Variants in RGPD3 observed in about 807,000 individuals in gnomAD.
RGPD3 encodes the protein ranBP2-like and GRIP domain-containing protein 3.
In RGPD3, 62 loss-of-function variants were observed where a neutral mutation model predicts 154.5. The observed-to-expected ratio is 0.40, with a 90% CI of 0.33 to 0.50. The LOEUF (loss-of-function observed/expected upper bound fraction) is 0.50. RGPD3 is among the 20% of genes least tolerant of loss of function. The probability of loss-of-function intolerance (pLI) is 0.59; values close to 1 mark genes in which losing one functional copy is unlikely to be tolerated. For missense variants in RGPD3, 919 were observed against 1,716.8 expected, an observed-to-expected ratio of 0.54 and a Z score of 8.21; for synonymous variants, 308 against 607.0, an observed-to-expected ratio of 0.51 and a Z score of 7.24.
At position 106,465,560 on chromosome 2, in the gene RGPD3, C is replaced by CTT. The variant is rs761873994; in HGVS notation, c.72+2655_72+2656dup. ...GAATCTCAGAAAGGCTCTAAGCTTGCTTTTTTTTTTTTAAGCTTGTTTAAA... is the reference window on the plus strand; with the variant it reads ...GAATCTCAGAAAGGCTCTAAGCTTGCTTTTTTTTTTTTTTAAGCTTGTTTAAA... On this transcript the variant is annotated intron_variant, in intron 1 of 22. Transcript: ENST00000409886. Among the ~76,000 whole-genome samples the CTT allele has an allele frequency of 2.1e-3, 283 of 136,708 alleles. 1 individual carries two copies. Among genetic ancestry groups the CTT allele is most frequent in the South Asian group, 6.4e-3 (26 of 4,066 alleles). The allele number at this position is 136,708 out of a possible 152,430, so 89.7% of individuals were successfully genotyped here. A position where few individuals can be genotyped will look rare whatever the true frequency, so the allele number is the denominator to read the frequency against.
At chr2:106,466,460 C>T (rs1482026318) in intron 1 of RGPD3, among the ~76,000 whole-genome samples, 1 of 104,676 alleles carries the variant, frequency 9.6e-6, no homozygotes, top group African/African-American at 3.6e-5. Flanking sequence ...CGCCGCTGGG[C>T]CGGGTCGAGG....
intron 7 of RGPD3, among the ~76,000 whole-genome samples, chr2:106,446,605 A>AGGCGCGCCT (rs1287544282): frequency 4.9e-4 from 63 of 129,042 alleles, no homozygotes; most frequent in Non-Finnish European, 9.0e-4. Flanking sequence ...CAGGCGCGCC[A>AGGCGCGCCT]GGCGCAGTGC....
intron 7 of RGPD3, among the ~76,000 whole-genome samples, chr2:106,445,716 AG>A (rs1677898496): frequency 7.0e-6 from 1 of 142,458 alleles, no homozygotes; most frequent in Non-Finnish European, 1.5e-5. Flanking sequence ...CAGGAGACAC[AG>A]GTTGCAGTGA....
intron 1 of RGPD3, among the ~76,000 whole-genome samples, chr2:106,464,292 G>A: frequency 6.9e-6 from 1 of 144,882 alleles, no homozygotes; most frequent in Non-Finnish European, 1.5e-5. Flanking sequence ...AGTGAGCCGA[G>A]ATCGCGCCAC....
chr2:106,452,447 GT>G, intron 5 of RGPD3, 97 bp from the exon 6 acceptor site: 1 of 637,232 alleles, frequency 1.6e-6, no homozygotes, highest in South Asian at 2.0e-5. Flanking sequence ...CTCCAACCAC[GT>G]TTGTGAAACT....
intron 11 of RGPD3, 34 bp from the exon 12 acceptor site, chr2:106,436,280 C>G (rs1440472692): frequency 1.2e-6 from 2 of 1,611,466 alleles, no homozygotes; most frequent in Non-Finnish European, 1.7e-6. Flanking sequence ...AAATTGCTTT[C>G]TAAATACACA....
chr2:106,410,111 G>T (rs1050941633), intron 22 of RGPD3, among the ~76,000 whole-genome samples: 19 of 151,770 alleles, frequency 1.3e-4, no homozygotes, highest in African/African-American at 4.3e-4. Flanking sequence ...CCTGACCTCA[G>T]GTGATCTACC....
At chr2:106,470,880 G>C, upstream of RGPD3, 2 of 1,597,150 alleles carry the variant, frequency 1.3e-6, no homozygotes, top group Non-Finnish European at 1.7e-6. Context: ...CCGAGGCATT[G>C]TGTTGGACAT....
intron 1 of RGPD3, among the ~76,000 whole-genome samples, chr2:106,460,302 G>T (rs939381601): frequency 6.6e-6 from 1 of 151,080 alleles, no homozygotes; most frequent in Non-Finnish European, 1.5e-5. Flanking sequence ...GGGAGGAAAG[G>T]TATTCCAGAA....
chr2:106,413,095 G>A lies in RGPD3; in HGVS notation c.5255C>T (p.Ala1752Val), dbSNP rs747052856. The change falls in exon 22 of 23, where the codon GCG (alanine) becomes GTG (valine). Residue 1752 changes from alanine to valine, a missense_variant. Physicochemically the swap from Ala to Val is moderately conservative, Grantham distance 64 (BLOSUM62 0). Transcript: ENST00000409886. Reference protein sequence around the residue: ...LSLEEKGKLAAVAQGEE With the variant: ...LSLEEKGKLAVVAQGEE ...CTCCTTTTACCCACCTTGAGCAACC[G>A]CAGCAAGTTTTCCCTTTTCTTCAAG... 213 of 1,610,412 alleles carry A rather than the reference G, an allele frequency of 1.3e-4. 5 individuals carry two copies. In the Middle Eastern group the frequency reaches 1.4e-3, roughly 10 times the overall value.
At position 106,425,210 on chromosome 2, in the gene RGPD3, A is replaced by G; in HGVS notation, c.2757T>C (p.Ser919=). 1.2e-6 allele frequency: 2 copies of G among 1,611,800 alleles called. No homozygotes were observed. Among genetic ancestry groups the G allele is most frequent in the South Asian group, 2.2e-5 (2 of 90,972 alleles). The stretch of plus-strand genomic sequence containing the variant: ...AAATGCCAAATTTAAATCCATCAGC[A>G]GACACAGGGATGGAAAATCCTTCTT... ...STKEGFSIPV[S]ADGFKFGISE... The change falls in exon 20 of 23, where the codon TCT becomes TCC. Residue 919 remains serine (S), a synonymous_variant. Transcript: ENST00000409886.
chr2:106,464,986 A>C (rs1275805608), intron 1 of RGPD3, among the ~76,000 whole-genome samples: 1 of 150,882 alleles, frequency 6.6e-6, no homozygotes, highest in Admixed American at 6.6e-5. Flanking sequence ...GAATATTTTT[A>C]AGAAGGGCAA....
At chr2:106,455,107 G>T (rs1241054732) in intron 4 of RGPD3, among the ~76,000 whole-genome samples, 3 of 152,254 alleles carry the variant, frequency 2.0e-5, no homozygotes, top group African/African-American at 4.8e-5. Context: ...GGCAGAAGTG[G>T]CAGTGAGCCG....
Position 106,425,157 on chromosome 2 carries a change from C to T in RGPD3, c.2810G>A (p.Ser937Asn), listed in dbSNP as rs760820539. 3.1e-6 allele frequency: 5 copies of T among 1,611,800 alleles called. No individual in the cohort carries two copies. The highest frequency in any genetic ancestry group is 2.2e-5 in the East Asian group (1 of 44,892). Residue 937 changes from serine (S) to asparagine (N), a missense_variant, in exon 20 of 23, where the codon AGT becomes AAT. Ser to Asn is a conservative substitution (Grantham distance 46). Transcript: ENST00000409886. ...ISEPGNQEKK[S>N]EKPLENDTGL... is the part of the protein sequence containing the mutation. ...AGTATCATTTTCAAGAGGCTTTTCA[C>T]TTTTCTTTTCTTGATTTCCTGGTTC...
Position 106,468,376 on chromosome 2 carries a change from C to A in RGPD3, c.-88G>T. 1 of 1,545,348 alleles carries A rather than the reference C, an allele frequency of 6.5e-7. No individual in the cohort carries two copies. Among genetic ancestry groups the A allele is most frequent in the South Asian group, 1.2e-5 (1 of 83,998 alleles). On this transcript the variant is annotated 5_prime_UTR_variant, in exon 1 of 23. Coordinates refer to ENST00000409886, the MANE Select transcript of RGPD3 (RefSeq NM_001144013.2). Reference sequence around the variant, plus strand: ...ATTCCAAGAGGAAAGCGCCTGAAAGCCACTGAGGCAGCGGCGTAGCCGGCG... The same window carrying A: ...ATTCCAAGAGGAAAGCGCCTGAAAGACACTGAGGCAGCGGCGTAGCCGGCG...
chr2:106,451,449 G>A (rs1678121154), intron 6 of RGPD3, among the ~76,000 whole-genome samples: 1 of 142,110 alleles, frequency 7.0e-6, no homozygotes, highest in Admixed American at 7.2e-5. Context: ...CTACAAAAAG[G>A]AGAAGATTAC....
In RGPD3 at chr2:106,424,684, T is replaced by C. The variant is rs1280177711; in HGVS notation, c.3283A>G (p.Lys1095Glu). Residue 1095 changes from lysine to glutamate, a missense_variant, in exon 20 of 23, where the codon AAA becomes GAA. Physicochemically the swap from Lys to Glu is moderately conservative, Grantham distance 56. Transcript: ENST00000409886. ...TCTCTTTGCATCAGCATTCTTACTTTGCCATTGACCTCGTTTTTGAGAATT... is the reference window on the plus strand; with the variant it reads ...TCTCTTTGCATCAGCATTCTTACTTCGCCATTGACCTCGTTTTTGAGAATT... ...LKILKNEVNG[K>E]VRMLMQREQV... is the part of the protein sequence containing the mutation. 1.9e-6 allele frequency: 3 copies of C among 1,611,914 alleles called. No homozygotes were observed. The highest frequency in any genetic ancestry group is 1.7e-5 in the Admixed American group (1 of 59,994).
At chr2:106,410,198 A>G (rs530995999) in intron 22 of RGPD3, among the ~76,000 whole-genome samples, 1 of 152,244 alleles carries the variant, frequency 6.6e-6, no homozygotes, top group African/African-American at 2.4e-5. Context: ...CTTAAAGAGA[A>G]AATGTAAGGT....
intron 20 of RGPD3, 134 bp downstream of exon 20, chr2:106,422,909 A>T (rs1400428206): frequency 6.3e-7 from 1 of 1,575,150 alleles, no homozygotes; most frequent in Non-Finnish European, 8.6e-7. Flanking sequence ...GGAGAAAAAA[A>T]TTGCTCAAAT....
Sources: gnomAD v4.1 joint callset for allele counts (sites outside exome capture counted in the v4.1 genomes callset) on GRCh38, gnomAD v4.1.1 for gene constraint, MANE v1.5 for transcripts, NCBI Gene and HGNC (gene_info 2026-07-23, HGNC 2026-07-21) for gene names.